The following CSNK1G3 variants were observed in gnomAD, a reference collection of about 807,000 sequenced individuals.
CSNK1G3 encodes the protein casein kinase I isoform gamma-3.
A neutral mutation model predicts 64.3 loss-of-function variants in CSNK1G3; 23 were observed. That is an observed-to-expected ratio of 0.36 (90% CI 0.26 to 0.51). The LOEUF (loss-of-function observed/expected upper bound fraction) is 0.51, where lower values mean the gene tolerates loss of function less well. CSNK1G3 is among the 20% of genes least tolerant of loss of function. CSNK1G3 has a pLI of 0.96. For synonymous variants in CSNK1G3, 158 were observed against 162.2 expected, an observed-to-expected ratio of 0.97 and a Z score of 0.20; for missense variants, 357 against 510.5, an observed-to-expected ratio of 0.70 and a Z score of 2.90.
chr5:123,521,694 A>C (rs1778139519), intron 1 of CSNK1G3, among the ~76,000 whole-genome samples: 1 of 152,224 alleles, frequency 6.6e-6, no homozygotes, highest in African/African-American at 2.4e-5. Flanking sequence ...GACAGAGTAA[A>C]TGAAAGAAGA....
intron 1 of CSNK1G3, among the ~76,000 whole-genome samples, chr5:123,540,555 T>C (rs1410026006): frequency 6.6e-6 from 1 of 152,170 alleles, no homozygotes; most frequent in Non-Finnish European, 1.5e-5. Flanking sequence ...TTTCAACTCC[T>C]GAATTATTTA....
intron 1 of CSNK1G3, among the ~76,000 whole-genome samples, chr5:123,520,168 T>G (rs1182563115): frequency 1.3e-5 from 2 of 152,200 alleles, no homozygotes; most frequent in East Asian, 1.9e-4. Flanking sequence ...GCAGACTGTT[T>G]GGGACAATTC....
At chr5:123,531,122 G>T (rs1386617312) in intron 1 of CSNK1G3, among the ~76,000 whole-genome samples, 1 of 152,018 alleles carries the variant, frequency 6.6e-6, no homozygotes, top group Non-Finnish European at 1.5e-5. Context: ...TTGAGATAAC[G>T]AAGCAGTGGG....
chr5:123,544,811 T>G (rs1782255434), intron 1 of CSNK1G3, among the ~76,000 whole-genome samples: 1 of 152,178 alleles, frequency 6.6e-6, no homozygotes, highest in African/African-American at 2.4e-5. Context: ...TACATTTATG[T>G]TTTTAAGGCC....
At chr5:123,569,598 C>A (rs2150612986) in intron 4 of CSNK1G3, among the ~76,000 whole-genome samples, 1 of 152,192 alleles carries the variant, frequency 6.6e-6, no homozygotes, top group Non-Finnish European at 1.5e-5. Flanking sequence ...TCAGAACAAG[C>A]TTTTAAGTAT....
At chr5:123,559,258 A>G (rs1785209226) in intron 4 of CSNK1G3, among the ~76,000 whole-genome samples, 1 of 152,110 alleles carries the variant, frequency 6.6e-6, no homozygotes, top group African/African-American at 2.4e-5. Flanking sequence ...GGTGATGAAA[A>G]AAAAAACCAG....
At chr5:123,550,771 C>T (rs1783487997) in intron 2 of CSNK1G3, among the ~76,000 whole-genome samples, 1 of 152,182 alleles carries the variant, frequency 6.6e-6, no homozygotes, top group Admixed American at 6.5e-5. Flanking sequence ...CCCTCCCTTT[C>T]AATCACACCA....
chr5:123,585,449 G>T (rs1006461131), intron 6 of CSNK1G3, among the ~76,000 whole-genome samples: 1 of 151,964 alleles, frequency 6.6e-6, no homozygotes, highest in African/African-American at 2.4e-5. Flanking sequence ...TAGAAAATAA[G>T]AGGAAAAAAC....
In CSNK1G3 at chr5:123,537,972, AT is replaced by A. The variant is rs544500666; in HGVS notation, c.-247-7444del. Among the ~76,000 whole-genome samples, 424 of 152,276 alleles carry A rather than the reference AT, an allele frequency of 2.8e-3. 1 individual carries two copies. Among genetic ancestry groups the A allele is most frequent in the African/African-American group, 9.4e-3 (391 of 41,560 alleles). ...TGCCTGACTTCTTTTCCTCAGTCTA[AT>A]ATCTGAGAAATTCACCATATTGTTG... is the stretch of plus-strand genomic sequence containing the variant. On this transcript the variant is annotated intron_variant, in intron 1 of 12. Transcript: ENST00000345990.
At chr5:123,553,208 A>G in intron 3 of CSNK1G3, 61 bp downstream of exon 3, 2 of 874,576 alleles carry the variant, frequency 2.3e-6, no homozygotes, top group South Asian at 2.1e-5. Flanking sequence ...AGTAACTTAT[A>G]TATTTTAATT....
chr5:123,515,029 A>G (rs974190054), intron 1 of CSNK1G3, among the ~76,000 whole-genome samples: 15 of 152,326 alleles, frequency 9.8e-5, no homozygotes, highest in African/African-American at 3.6e-4. Context: ...GGAAAGCAGA[A>G]AAGTATATAA....
intron 10 of CSNK1G3, among the ~76,000 whole-genome samples, chr5:123,603,245 A>T (rs898467826): frequency 6.6e-6 from 1 of 152,152 alleles, no homozygotes; most frequent in Non-Finnish European, 1.5e-5. Flanking sequence ...AAAATTTTAT[A>T]AAAATGGAAG....
At chr5:123,591,212 A>C in intron 9 of CSNK1G3, 107 bp from the exon 10 acceptor site, 1 of 567,184 alleles carries the variant, frequency 1.8e-6, no homozygotes, top group South Asian at 4.0e-5. Context: ...GCCTTAGTTT[A>C]TTTAACAGTC....
At chr5:123,568,202 G>A (rs192516669) in intron 4 of CSNK1G3, among the ~76,000 whole-genome samples, 38 of 152,292 alleles carry the variant, frequency 2.5e-4, no homozygotes, top group African/African-American at 9.1e-4. Flanking sequence ...GCATCTCATT[G>A]ATTTGCTGAG....
intron 10 of CSNK1G3, among the ~76,000 whole-genome samples, chr5:123,600,096 T>C (rs756421549): frequency 4.0e-4 from 56 of 140,504 alleles, no homozygotes; most frequent in Non-Finnish European, 6.3e-5. Context: ...ATGTATACTT[T>C]AGCACAGGTT....
At chr5:123,550,178 A>G (rs1269074051) in intron 2 of CSNK1G3, among the ~76,000 whole-genome samples, 3 of 152,192 alleles carry the variant, frequency 2.0e-5, no homozygotes, top group Non-Finnish European at 2.9e-5. Context: ...AAAAATTCCA[A>G]TATATAGTGG....
chr5:123,606,453 G>C (rs1378401715), intron 12 of CSNK1G3, among the ~76,000 whole-genome samples: 1 of 152,116 alleles, frequency 6.6e-6, no homozygotes, highest in African/African-American at 2.4e-5. Flanking sequence ...ATAGGTTATA[G>C]AATCCTGTTT....
At chr5:123,550,027 A>G (rs562226886) in intron 2 of CSNK1G3, among the ~76,000 whole-genome samples, 3 of 152,162 alleles carry the variant, frequency 2.0e-5, no homozygotes, top group South Asian at 4.2e-4. Flanking sequence ...TGCAGGCCTT[A>G]TATGTATCAA....
intron 4 of CSNK1G3, 35 bp downstream of exon 4, chr5:123,557,599 A>C: frequency 7.4e-7 from 1 of 1,347,604 alleles, no homozygotes; most frequent in South Asian, 1.3e-5. Context: ...ATTTGAAATA[A>C]AGTGGATTGT....
Sources: allele counts gnomAD v4.1 joint callset (sites outside exome capture counted in the v4.1 genomes callset), GRCh38; gene constraint gnomAD v4.1.1; transcripts MANE v1.5; gene names NCBI Gene and HGNC (gene_info 2026-07-23, HGNC 2026-07-21).